TSKS: variants seen among roughly 807,000 people sequenced by gnomAD.
TSKS encodes the protein testis-specific serine kinase substrate.
In TSKS, 27 loss-of-function variants were observed where a neutral mutation model predicts 68.0. That is an observed-to-expected ratio of 0.40 (90% confidence interval 0.29 to 0.55). TSKS has a LOEUF of 0.55. TSKS is among the 20% of genes least tolerant of loss of function. The pLI is 0.53. For synonymous variants in TSKS, 331 were observed against 340.4 expected, an observed-to-expected ratio of 0.97 and a Z score of 0.30; for missense variants, 806 against 776.0, an observed-to-expected ratio of 1.04 and a Z score of -0.46.
chr19:49,763,152 G>C lies in TSKS; in HGVS notation c.96C>G (p.Val32=), dbSNP rs73590446. 19 of 1,609,766 alleles carry C rather than the reference G, an allele frequency of 1.2e-5. No individual in the cohort carries two copies. The highest frequency in any genetic ancestry group is 1.6e-5 in the Non-Finnish European group (19 of 1,178,030). ...TGGTCACCCTCCGGGGAGCCTCTGG[G>C]ACTAGCTGGGAGCAGCTCTCCACCC... ...PTGVESCSQL[V]PEAPRRVTSR... Residue 32 remains valine, a synonymous_variant, in exon 1 of 11, where the codon GTC becomes GTG. Transcript: ENST00000246801. The surrounding 1 kb of genome is among the most constrained non-coding windows in gnomAD (Gnocchi z 4.5).
intron 5 of TSKS, 152 bp downstream of exon 5, chr19:49,747,237 C>A: frequency 6.5e-7 from 1 of 1,545,972 alleles, no homozygotes; most frequent in East Asian, 2.4e-5. Context: ...ATTTGAATCC[C>A]TCTTATCAGC....
At chr19:49,761,601 A>G (rs1300837288) in intron 2 of TSKS, among the ~76,000 whole-genome samples, 1 of 152,180 alleles carries the variant, frequency 6.6e-6, no homozygotes, top group East Asian at 1.9e-4. Context: ...GAGCTCCCCA[A>G]GCACAGGGAT....
At position 49,746,500 on chromosome 19, in the gene TSKS, T is replaced by G; in HGVS notation, c.962A>C (p.Gln321Pro). 1 of 1,613,938 alleles carries G rather than the reference T, an allele frequency of 6.2e-7. No homozygotes were observed. Residue 321 changes from glutamine to proline, a missense_variant, in exon 6 of 11, where the codon CAG (glutamine) becomes CCG (proline). By Grantham distance (76) the Gln-to-Pro change is moderately conservative. Transcript: ENST00000246801. ...CTCTTCGATGCCGGTGAACAGCTTC[T>G]GCAATTCCTGCTCGCTCACGTAGGG... ...EGPYVSEQEL[Q>P]KLFTGIEELR...
intron 7 of TSKS, among the ~76,000 whole-genome samples, chr19:49,744,786 C>T (rs559593750): frequency 1.4e-4 from 22 of 151,968 alleles, no homozygotes; most frequent in Admixed American, 1.1e-3. Context: ...ATGGGGTCTC[C>T]GCTATGTGGC....
In TSKS at chr19:49,762,012, C is replaced by T; in HGVS notation, c.391G>A (p.Glu131Lys). 1.9e-6 allele frequency: 3 copies of T among 1,612,806 alleles called. No individual in the cohort carries two copies. The highest frequency in any genetic ancestry group is 2.5e-6 in the Non-Finnish European group (3 of 1,179,148). ...PWDPDDADIT[E>K]ILSGVNSGLV... ...GTGTGGAGGGCCCTCACCAGGATTTCCGTGATGTCTGCGTCATCCGGATCC... is the reference window on the plus strand; with the variant it reads ...GTGTGGAGGGCCCTCACCAGGATTTTCGTGATGTCTGCGTCATCCGGATCC... Residue 131 changes from glutamate to lysine, a missense_variant, in exon 2 of 11, where the codon GAA (glutamate) becomes AAA (lysine). By Grantham distance (56) the Glu-to-Lys change is moderately conservative. Coordinates refer to ENST00000246801, the MANE Select transcript of TSKS (RefSeq NM_021733.2).
intron 1 of TSKS, 133 bp from the exon 2 acceptor site, chr19:49,762,365 C>T (rs2084449854): frequency 6.4e-6 from 4 of 625,582 alleles, no homozygotes; most frequent in Non-Finnish European, 2.8e-6. Context: ...TTCTCTGTCC[C>T]CGCTGCCTAC....
chr19:49,748,173 A>G lies in TSKS; in HGVS notation c.496-5T>C, dbSNP rs1452586436. On this transcript the variant is annotated splice_region_variant and splice_polypyrimidine_tract_variant and intron_variant, in intron 3 of 10. Coordinates refer to ENST00000246801, the MANE Select transcript of TSKS (RefSeq NM_021733.2). ...GCTCAGCACAGAACACTCGCTCTGG[A>G]GCATGGAAGGAGGAGAGGTTAGCCA... The G allele has an allele frequency of 1.9e-6, 3 of 1,614,104 alleles. No individual in the cohort carries two copies. Among genetic ancestry groups the G allele is most frequent in the South Asian group, 2.2e-5 (2 of 91,088 alleles).
chr19:49,756,099 A>C (rs1162347688), intron 2 of TSKS, among the ~76,000 whole-genome samples: 1 of 152,218 alleles, frequency 6.6e-6, no homozygotes, highest in Non-Finnish European at 1.5e-5. Context: ...CAAATCCAAC[A>C]GCATGTAAAA....
chr19:49,741,646 C>T (rs2084253164), intron 9 of TSKS, among the ~76,000 whole-genome samples: 1 of 152,142 alleles, frequency 6.6e-6, no homozygotes, highest in Non-Finnish European at 1.5e-5. Context: ...TCCTATCATG[C>T]TTTAGGCCCA....
chr19:49,739,951 G>C lies in TSKS; in HGVS notation c.1623-19C>G, dbSNP rs746108144. 4 of 1,608,704 alleles carry C rather than the reference G, an allele frequency of 2.5e-6. No individual in the cohort carries two copies. The South Asian group carries it at 3.3e-5, about 13-fold the overall frequency. On this transcript the variant is annotated intron_variant, in intron 10 of 10. Transcript: ENST00000246801. ...CTTCTCCCTGTCATGAGGCAGCGGG[G>C]AGTTGATGGCGGCATGGCTAGGTGC...
At chr19:49,751,656 A>G (rs929835472) in intron 2 of TSKS, among the ~76,000 whole-genome samples, 3 of 152,134 alleles carry the variant, frequency 2.0e-5, no homozygotes, top group African/African-American at 7.2e-5. Context: ...ATGCCTGGGA[A>G]GACCCCACAC....
intron 9 of TSKS, among the ~76,000 whole-genome samples, chr19:49,740,991 A>G (rs2084247392): frequency 6.6e-6 from 1 of 152,122 alleles, no homozygotes; most frequent in East Asian, 1.9e-4. Context: ...ATCCTGACTA[A>G]CACGGTGAAA....
At chr19:49,744,538 C>T in intron 7 of TSKS, 134 bp from the exon 8 acceptor site, 1 of 807,910 alleles carries the variant, frequency 1.2e-6, no homozygotes, top group Non-Finnish European at 1.9e-6. Flanking sequence ...CCCCTCTCTG[C>T]TCTGACTGGC....
chr19:49,745,546 T>C, intron 6 of TSKS, 150 bp from the exon 7 acceptor site: 1 of 581,926 alleles, frequency 1.7e-6, no homozygotes, highest in African/African-American at 1.9e-5. Context: ...CAAATTTTAT[T>C]GCACCCTCCA....
chr19:49,745,954 C>A (rs1197803146), intron 6 of TSKS, among the ~76,000 whole-genome samples: 1 of 152,072 alleles, frequency 6.6e-6, no homozygotes, highest in Admixed American at 6.6e-5. Flanking sequence ...GAGGCCGAGG[C>A]GGGCGGATCA....
chr19:49,741,157 G>A (rs528884727), intron 9 of TSKS, among the ~76,000 whole-genome samples: 259 of 151,754 alleles, frequency 1.7e-3, no homozygotes, highest in Admixed American at 5.0e-3. Flanking sequence ...CAGCCTGGGC[G>A]ACAGAGCGAG....
chr19:49,754,188 AT>A (rs2084375222), intron 2 of TSKS, among the ~76,000 whole-genome samples: 1 of 150,036 alleles, frequency 6.7e-6, no homozygotes, highest in Non-Finnish European at 1.5e-5. Context: ...TCCCTGCTAC[AT>A]TATGATACTT....
In TSKS at chr19:49,746,756, G is replaced by A; in HGVS notation, c.706C>T (p.Pro236Ser). Residue 236 changes from proline (P) to serine (S), a missense_variant, in exon 6 of 11, where the codon CCG becomes TCG. Pro to Ser is a moderately conservative substitution (Grantham distance 74). Coordinates refer to ENST00000246801, the MANE Select transcript of TSKS (RefSeq NM_021733.2). ...TGCAGCTCGGCCTCCTGCCGTCGCG[G>A]CGTCTCATCCTGCAGCTGCTGCTGG... ...YLQQQLQDET[P>S]RRQEAELQEP... is the part of the protein sequence containing the mutation. 1 of 1,601,384 alleles carries A rather than the reference G, an allele frequency of 6.2e-7. No homozygotes were observed.
intron 5 of TSKS, chr19:49,747,030 C>T: frequency 8.0e-7 from 1 of 1,252,038 alleles, no homozygotes; most frequent in African/African-American, 1.5e-5. Context: ...TCCACCCGGC[C>T]CTCCAAGCCC....
Sources: allele counts gnomAD v4.1 joint callset (sites outside exome capture counted in the v4.1 genomes callset), GRCh38; gene constraint gnomAD v4.1.1; non-coding constraint Gnocchi (gnomAD v3.1); transcripts MANE v1.5; gene names NCBI Gene and HGNC (gene_info 2026-07-23, HGNC 2026-07-21).